The following PAFAH1B1 variants were observed in gnomAD, a reference collection of about 807,000 sequenced individuals.
PAFAH1B1 encodes platelet-activating factor acetylhydrolase IB subunit beta.
In PAFAH1B1, 2 loss-of-function variants were observed where a neutral mutation model predicts 57.5. The ratio of observed to expected loss-of-function variants is 0.03; its 90% CI spans 0.01 to 0.11. PAFAH1B1 has a LOEUF of 0.11. PAFAH1B1 is among the 10% of genes least tolerant of loss of function. The probability of loss-of-function intolerance (pLI) is 1.00; values close to 1 mark genes in which losing one functional copy is unlikely to be tolerated. For missense variants in PAFAH1B1, 257 were observed against 512.0 expected, an observed-to-expected ratio of 0.50 and a Z score of 4.81; for synonymous variants, 152 against 169.6, an observed-to-expected ratio of 0.90 and a Z score of 0.81.
At chr17:2,627,346 G>T (rs776619465) in intron 1 of PAFAH1B1, among the ~76,000 whole-genome samples, 8 of 152,000 alleles carry the variant, frequency 5.3e-5, no homozygotes, top group African/African-American at 1.5e-4. Context: ...ATTGAAAAGG[G>T]TGTCCTTTCC....
In PAFAH1B1 at chr17:2,593,916, TTCCTCCC is replaced by T. The variant is rs2068052955; in HGVS notation, c.-277_-271del. On this transcript the variant is annotated 5_prime_UTR_variant, in exon 1 of 11. Transcript: ENST00000397195. ...CCCCCCTCCTTCCCTCCCTCCCTCC[TTCCTCCC>T]TCCCCTCTCCCTCCCCCTCCCCCGC... is the stretch of plus-strand genomic sequence containing the variant. The T allele has an allele frequency of 7.6e-6, 1 of 131,092 alleles. No homozygotes were observed. The highest frequency in any genetic ancestry group is 1.4e-5 in the Non-Finnish European group (1 of 68,992). The allele number at this position is 131,092 out of a possible 1,614,324, so 8.1% of individuals were successfully genotyped here.
At chr17:2,656,148 A>T (rs1378223759) in intron 2 of PAFAH1B1, among the ~76,000 whole-genome samples, 1 of 151,720 alleles carries the variant, frequency 6.6e-6, no homozygotes, top group Non-Finnish European at 1.5e-5. Context: ...CTGGTCTCGA[A>T]CTCCTAACCT....
At chr17:2,681,444 T>G (rs2069383634) in intron 10 of PAFAH1B1, 2 of 301,520 alleles carry the variant, frequency 6.6e-6, no homozygotes, top group Non-Finnish European at 1.2e-5. Context: ...TGTGGCTCAT[T>G]AAAAATTGTA....
At chr17:2,650,572 GTGGGAGGATC>G (rs1353605611) in intron 2 of PAFAH1B1, among the ~76,000 whole-genome samples, 2 of 145,526 alleles carry the variant, frequency 1.4e-5, no homozygotes, top group Non-Finnish European at 3.0e-5. Flanking sequence ...GGAGGCCTCA[GTGGGAGGATC>G]CTGGGAGGTC....
intron 2 of PAFAH1B1, among the ~76,000 whole-genome samples, chr17:2,647,758 A>G (rs554887746): frequency 5.9e-5 from 9 of 151,974 alleles, no homozygotes; most frequent in Admixed American, 2.6e-4. Context: ...TAATCCCAGC[A>G]CTTTGGGAGG....
intron 1 of PAFAH1B1, among the ~76,000 whole-genome samples, chr17:2,599,123 T>A (rs921692708): frequency 2.6e-5 from 4 of 152,238 alleles, no homozygotes; most frequent in African/African-American, 4.8e-5. Context: ...AACATTGTCA[T>A]AAACGTTTCT....
chr17:2,639,123 C>G (rs2151635160), intron 2 of PAFAH1B1, among the ~76,000 whole-genome samples: 1 of 152,062 alleles, frequency 6.6e-6, no homozygotes, highest in African/African-American at 2.4e-5. Flanking sequence ...TGGTCTCAAT[C>G]TCCTGACCTC....
chr17:2,645,752 A>G (rs2068760282), intron 2 of PAFAH1B1, among the ~76,000 whole-genome samples: 1 of 151,322 alleles, frequency 6.6e-6, no homozygotes, highest in Non-Finnish European at 1.5e-5. Flanking sequence ...CTACAGGCGC[A>G]TGCCACCACG....
chr17:2,635,416 T>C (rs950383848), intron 1 of PAFAH1B1: 1 of 152,076 alleles, frequency 6.6e-6, no homozygotes, highest in African/African-American at 2.4e-5. Context: ...CAGCCTGGAG[T>C]ATAGTGCCAC....
At chr17:2,599,162 A>G (rs2068113570) in intron 1 of PAFAH1B1, among the ~76,000 whole-genome samples, 1 of 152,182 alleles carries the variant, frequency 6.6e-6, no homozygotes, top group African/African-American at 2.4e-5. Flanking sequence ...TGAGCTTGGT[A>G]CTGATTTTCA....
intron 2 of PAFAH1B1, among the ~76,000 whole-genome samples, chr17:2,663,989 A>T (rs532463868): frequency 2.0e-5 from 3 of 151,676 alleles, no homozygotes; most frequent in Non-Finnish European, 4.4e-5. Context: ...CACCGCTCCC[A>T]GCCTCTGGTC....
chr17:2,678,642 C>T (rs1352249228), intron 9 of PAFAH1B1, among the ~76,000 whole-genome samples: 1 of 152,120 alleles, frequency 6.6e-6, no homozygotes, highest in Non-Finnish European at 1.5e-5. Flanking sequence ...AATCCCAGGA[C>T]TTTGGGAGGC....
rs1180039910 is a variant in PAFAH1B1, at chr17:2,645,816, G to C, written c.32+7496G>C. On this transcript the variant is annotated intron_variant, in intron 2 of 10. Coordinates refer to ENST00000397195, the MANE Select transcript of PAFAH1B1 (RefSeq NM_000430.4). ...AGACGGGGTTTCATTGTGTTAGCCAGGATGGTCTCACTCTCCTGACCTCGT... is the reference window on the plus strand; with the variant it reads ...AGACGGGGTTTCATTGTGTTAGCCACGATGGTCTCACTCTCCTGACCTCGT... 2.7e-5 allele frequency among the ~76,000 whole-genome samples: 4 copies of C among 150,338 alleles called. No individual in the cohort carries two copies. The East Asian group carries it at 7.9e-4, about 30-fold the overall frequency.
Position 2,680,292 on chromosome 17 carries a change from T to C in PAFAH1B1, c.1131T>C (p.Asn377=), listed in dbSNP as rs1368191889. The change falls in exon 10 of 11, where the codon AAT becomes AAC. Residue 377 remains asparagine (N), a synonymous_variant. Coordinates refer to ENST00000397195, the MANE Select transcript of PAFAH1B1 (RefSeq NM_000430.4). ...YKNKRCMKTL[N]AHEHFVTSLD... ...ACAAGCGATGCATGAAGACCCTCAA[T>C]GCGCATGAACACTTTGTTACCTCCT... The C allele has an allele frequency of 2.5e-6, 4 of 1,614,156 alleles. No individual in the cohort carries two copies. The highest frequency in any genetic ancestry group is 2.7e-5 in the African/African-American group (2 of 75,042).
intron 1 of PAFAH1B1, among the ~76,000 whole-genome samples, chr17:2,637,467 C>T (rs906762810): frequency 8.5e-5 from 13 of 152,056 alleles, no homozygotes; most frequent in Non-Finnish European, 1.5e-4. Flanking sequence ...GCCTGTCGTC[C>T]CAGCTGCTTG....
intron 2 of PAFAH1B1, among the ~76,000 whole-genome samples, chr17:2,652,243 T>C (rs1276827711): frequency 2.0e-5 from 3 of 151,728 alleles, no homozygotes; most frequent in African/African-American, 4.8e-5. Flanking sequence ...ACCCCGTCTC[T>C]ACTAAAAATA....
rs56681283 is a variant in PAFAH1B1 at position 2,650,057 on chromosome 17, CTG to C, written c.32+11739_32+11740del. ...ACAAAAGGAAGACTGGTAAGTTTGACTGTATCAAAATAGAAAACTTCTGTGTG... is the reference window on the plus strand; with the variant it reads ...ACAAAAGGAAGACTGGTAAGTTTGACTATCAAAATAGAAAACTTCTGTGTG... On this transcript the variant is annotated intron_variant, in intron 2 of 10. Transcript: ENST00000397195. Among the ~76,000 whole-genome samples, 701 of 152,272 alleles carry C rather than the reference CTG, an allele frequency of 4.6e-3. 6 individuals are homozygous for C. The highest frequency in any genetic ancestry group is 0.016 in the African/African-American group (676 of 41,550).
At chr17:2,645,766 G>C (rs2068760537) in intron 2 of PAFAH1B1, among the ~76,000 whole-genome samples, 1 of 151,430 alleles carries the variant, frequency 6.6e-6, no homozygotes, top group Admixed American at 6.6e-5. Context: ...CACCACGCCT[G>C]GCCACTTTTT....
At chr17:2,632,258 A>G (rs529110857) in intron 1 of PAFAH1B1, among the ~76,000 whole-genome samples, 1 of 152,322 alleles carries the variant, frequency 6.6e-6, no homozygotes, top group Admixed American at 6.5e-5. Flanking sequence ...GATTTTTAAA[A>G]ATAGCCACAA....
Sources: allele counts gnomAD v4.1 joint callset (sites outside exome capture counted in the v4.1 genomes callset), GRCh38; gene constraint gnomAD v4.1.1; transcripts MANE v1.5; gene names NCBI Gene and HGNC (gene_info 2026-07-23, HGNC 2026-07-21).